Variants in PCDHGB2 observed in about 807,000 individuals in gnomAD.
PCDHGB2 encodes the protein protocadherin gamma-B2.
PCDHGB2 carries 55 observed loss-of-function variants against 59.3 expected under a neutral mutation model. That is an observed-to-expected ratio of 0.93 (90% CI 0.75 to 1.16). The LOEUF is 1.16. PCDHGB2 is among the 50% of genes most tolerant of loss of function. The pLI, the probability that PCDHGB2 is intolerant of heterozygous loss-of-function variation, is 0.00. For synonymous variants in PCDHGB2, 516 were observed against 512.0 expected, an observed-to-expected ratio of 1.01 and a Z score of -0.11; for missense variants, 1,228 against 1,198.5, an observed-to-expected ratio of 1.02 and a Z score of -0.36.
In PCDHGB2 at chr5:141,360,879, G is replaced by A; in HGVS notation, c.744G>A (p.Arg248=). The change falls in exon 1 of 4, where the codon AGG becomes AGA. Residue 248 remains arginine (R), a synonymous_variant. Coordinates refer to ENST00000522605, the MANE Select transcript of PCDHGB2 (RefSeq NM_018923.3). ...CAGTGTTCAGCCAGGACGTGTACAG[G>A]GTCACCCTGAGGGAGGACGTGCCGC... ...NPPVFSQDVY[R]VTLREDVPPG... is the part of the protein sequence containing the mutation. The A allele has an allele frequency of 6.2e-7, 1 of 1,614,000 alleles. No homozygotes were observed. Among genetic ancestry groups the A allele is most frequent in the South Asian group, 1.1e-5 (1 of 91,082 alleles).
Position 141,432,943 on chromosome 5 carries a change from A to G in PCDHGB2, c.2422-61864A>G, listed in dbSNP as rs1200038728. ...ACAAGTCACGCCTGCTGCAGGCTTC[A>G]GGAGGCGGCTTGACAGGAGCGCCGG... On this transcript the variant is annotated intron_variant, in intron 1 of 3. Transcript: ENST00000522605. This position sits in a 1 kb window ranked among gnomAD's most constrained non-coding sequence, Gnocchi z 6.0. 5.6e-6 allele frequency: 9 copies of G among 1,614,168 alleles called. No homozygotes were observed. The highest frequency in any genetic ancestry group is 1.7e-4 in the Middle Eastern group (1 of 6,060).
Position 141,485,294 on chromosome 5 carries a change from G to A in PCDHGB2, c.2422-9513G>A, listed in dbSNP as rs2099611126. Reference sequence around the variant, plus strand: ...CTACCCGGTCCCAGAGGAGTCACAGGAAGGGACTTTTGTAGGGAATGTCGC... The same window carrying A: ...CTACCCGGTCCCAGAGGAGTCACAGAAAGGGACTTTTGTAGGGAATGTCGC... On this transcript the variant is annotated intron_variant, in intron 1 of 3. Coordinates refer to ENST00000522605, the MANE Select transcript of PCDHGB2 (RefSeq NM_018923.3). The surrounding 1 kb of genome is among the most constrained non-coding windows in gnomAD (Gnocchi z 5.7). The A allele has an allele frequency of 6.2e-7, 1 of 1,614,044 alleles. No homozygotes were observed. Among genetic ancestry groups the A allele is most frequent in the Non-Finnish European group, 8.5e-7 (1 of 1,179,988 alleles).
chr5:141,415,860 A>G (rs2095965840), intron 1 of PCDHGB2: 3 of 1,175,636 alleles, frequency 2.6e-6, no homozygotes, highest in Middle Eastern at 3.1e-4. Context: ...CTTGTAGTTT[A>G]TAGTGTTGTT....
Position 141,477,554 on chromosome 5 carries a change from A to T in PCDHGB2, c.2422-17253A>T. The T allele has an allele frequency of 6.2e-7, 1 of 1,614,112 alleles. No homozygotes were observed. Among genetic ancestry groups the T allele is most frequent in the South Asian group, 1.1e-5 (1 of 91,086 alleles). Reference sequence around the variant, plus strand: ...CCCCGGGGCTCCAATACTAAACCTAAGTGTCTGGGACCCCGACGCCCCGCA... The same window carrying T: ...CCCCGGGGCTCCAATACTAAACCTATGTGTCTGGGACCCCGACGCCCCGCA... On this transcript the variant is annotated intron_variant, in intron 1 of 3. Transcript: ENST00000522605. This position sits in a 1 kb window ranked among gnomAD's most constrained non-coding sequence, Gnocchi z 4.9.
intron 1 of PCDHGB2, among the ~76,000 whole-genome samples, chr5:141,455,410 G>A (rs1332059386): frequency 6.6e-6 from 1 of 152,130 alleles, no homozygotes; most frequent in Non-Finnish European, 1.5e-5. Context: ...CAGAGACAGA[G>A]GGAGCGGGGC....
intron 1 of PCDHGB2, chr5:141,405,100 G>A (rs764536213): frequency 1.2e-6 from 2 of 1,613,924 alleles, no homozygotes; most frequent in Non-Finnish European, 1.7e-6. Context: ...CCCTCAGGCT[G>A]AGGCACTGGC....
Position 141,421,056 on chromosome 5 carries a change from A to G in PCDHGB2, c.2421+58500A>G, listed in dbSNP as rs1378326708. On this transcript the variant is annotated intron_variant, in intron 1 of 3. Coordinates refer to ENST00000522605, the MANE Select transcript of PCDHGB2 (RefSeq NM_018923.3). ...TCCCTCCCTCCCCCGCCTCTACCACACAAAGCGGAATGAGATGGATACTCA... is the reference window on the plus strand; with the variant it reads ...TCCCTCCCTCCCCCGCCTCTACCACGCAAAGCGGAATGAGATGGATACTCA... 5 of 576,490 alleles carry G rather than the reference A, an allele frequency of 8.7e-6. No individual in the cohort carries two copies. In the East Asian group the frequency reaches 9.2e-5, roughly 11 times the overall value. The allele number at this position is 576,490 out of a possible 1,614,324, so 35.7% of individuals were successfully genotyped here. A position where few individuals can be genotyped will look rare whatever the true frequency, so the allele number is the denominator to read the frequency against.
chr5:141,371,859 T>A (rs1314195914), intron 1 of PCDHGB2: 1 of 1,613,576 alleles, frequency 6.2e-7, no homozygotes, highest in Non-Finnish European at 8.5e-7. Context: ...CCTTGTCTCC[T>A]ACTACATCGT....
Position 141,427,920 on chromosome 5 carries a change from C to T in PCDHGB2, c.2421+65364C>T, listed in dbSNP as rs552823212. The T allele has an allele frequency of 3.8e-6, 6 of 1,579,506 alleles. No homozygotes were observed. In the African/African-American group the frequency reaches 4.0e-5, roughly 11 times the overall value. On this transcript the variant is annotated intron_variant, in intron 1 of 3. Transcript: ENST00000522605. The stretch of plus-strand genomic sequence containing the variant: ...GCCCGCGCTCAGCGCCAACATGAGC[C>T]GGCGCATGTTGGTGGGCGACCTCAA...
intron 1 of PCDHGB2, chr5:141,400,663 A>T: frequency 4.0e-6 from 4 of 995,312 alleles, no homozygotes; most frequent in Non-Finnish European, 6.0e-6. Flanking sequence ...ACCATTCTTT[A>T]AGAGGAGCAG....
intron 1 of PCDHGB2, chr5:141,430,640 G>A (rs902915974): frequency 1.1e-6 from 1 of 916,196 alleles, no homozygotes; most frequent in East Asian, 2.7e-5. Flanking sequence ...ATCCCTGGGA[G>A]TATGTGGAAA....
chr5:141,369,651 A>C (rs562787182), intron 1 of PCDHGB2, among the ~76,000 whole-genome samples: 2 of 152,378 alleles, frequency 1.3e-5, no homozygotes, highest in South Asian at 4.1e-4. Context: ...GGGGGGAGAT[A>C]ATAAAGATAA....
chr5:141,404,974 C>A, intron 1 of PCDHGB2: 1 of 1,614,022 alleles, frequency 6.2e-7, no homozygotes, highest in South Asian at 1.1e-5. Flanking sequence ...TCCTGGCTGA[C>A]CTGGGCAGTC....
chr5:141,402,801 G>A, intron 1 of PCDHGB2: 6 of 1,078,624 alleles, frequency 5.6e-6, no homozygotes, highest in Non-Finnish European at 7.6e-6. Context: ...CACAAAACCC[G>A]GCAGATACCA....
Position 141,494,692 on chromosome 5 carries a change from C to T in PCDHGB2, c.2422-115C>T. On this transcript the variant is annotated intron_variant, in intron 1 of 3. Coordinates refer to ENST00000522605, the MANE Select transcript of PCDHGB2 (RefSeq NM_018923.3). ...AGTCCACCCCTGCCCCCTCTTAGTC[C>T]GTTTTCTTCTCTGTGCCCACTCCCC... 2.5e-6 allele frequency: 4 copies of T among 1,581,934 alleles called. No individual in the cohort carries two copies. In the African/African-American group the frequency reaches 4.0e-5, roughly 16 times the overall value.
At chr5:141,372,159 A>G in intron 1 of PCDHGB2, 1 of 1,613,708 alleles carries the variant, frequency 6.2e-7, no homozygotes, top group East Asian at 2.2e-5. Context: ...CTACCTGGTG[A>G]CCAAGGTGGT....
chr5:141,505,371 C>T (rs2099845827), intron 2 of PCDHGB2, 22 bp from the exon 3 acceptor site: 4 of 1,613,980 alleles, frequency 2.5e-6, no homozygotes, highest in Non-Finnish European at 3.4e-6. Context: ...AGTCTGTGCT[C>T]ACCATCCTAC....
rs145484670 is a variant in PCDHGB2 at position 141,469,912 on chromosome 5, C to T, written c.2422-24895C>T. Among the ~76,000 whole-genome samples, 674 of 152,288 alleles carry T rather than the reference C, an allele frequency of 4.4e-3. 6 individuals are homozygous for T. The highest frequency in any genetic ancestry group is 0.015 in the African/African-American group (642 of 41,562). On this transcript the variant is annotated intron_variant, in intron 1 of 3. Transcript: ENST00000522605. ...TTGGGAAGCCGAGGCAGGCAGACCA[C>T]CCGAGGTCAGGAGTTTGAGACCAGC...
chr5:141,478,549 A>G lies in PCDHGB2; in HGVS notation c.2422-16258A>G, dbSNP rs369095515. 8 of 1,602,904 alleles carry G rather than the reference A, an allele frequency of 5.0e-6. No individual in the cohort carries two copies. In the African/African-American group the frequency reaches 1.1e-4, roughly 21 times the overall value. On this transcript the variant is annotated intron_variant, in intron 1 of 3. Coordinates refer to ENST00000522605, the MANE Select transcript of PCDHGB2 (RefSeq NM_018923.3). ...CAGAGAGCGCCCCTCCCGGACAGGT[A>G]AGGTTTAGCAAGTCATGCTTGACCC...
Sources: allele counts gnomAD v4.1 joint callset (sites outside exome capture counted in the v4.1 genomes callset), GRCh38; gene constraint gnomAD v4.1.1; non-coding constraint Gnocchi (gnomAD v3.1); transcripts MANE v1.5; gene names NCBI Gene and HGNC (gene_info 2026-07-23, HGNC 2026-07-21).